Variants in ATG2B observed in about 807,000 individuals in gnomAD.
The protein encoded by ATG2B is autophagy-related protein 2 homolog B.
ATG2B carries 121 observed loss-of-function variants against 241.3 expected under a neutral mutation model. The ratio of observed to expected loss-of-function variants is 0.50; its 90% confidence interval spans 0.43 to 0.58. The LOEUF is 0.58. Among genes scored for constraint, ATG2B ranks in the 20% least tolerant of loss-of-function variants. The pLI, the probability that ATG2B is intolerant of heterozygous loss-of-function variation, is 0.00. For synonymous variants in ATG2B, 858 were observed against 876.6 expected, an observed-to-expected ratio of 0.98 and a Z score of 0.37; for missense variants, 2,306 against 2,491.6, an observed-to-expected ratio of 0.93 and a Z score of 1.59.
chr14:96,306,819 G>A lies in ATG2B; in HGVS notation c.4401C>T (p.Pro1467=), dbSNP rs773410227. The A allele has an allele frequency of 1.2e-6, 2 of 1,614,072 alleles. No homozygotes were observed. The highest frequency in any genetic ancestry group is 1.7e-6 in the Non-Finnish European group (2 of 1,180,014). The change falls in exon 30 of 42, where the codon CCC becomes CCT. Residue 1467 remains proline, a synonymous_variant. Transcript: ENST00000359933. The part of the protein sequence containing the change: ...ESGNVSQESG[P]TYASFSHHFI... ...AATGGTGAGAGAATGAGGCATAGGT[G>A]GGGCCGGACTCCTGGGATACATTCC... is the stretch of plus-strand genomic sequence containing the variant.
intron 11 of ATG2B, among the ~76,000 whole-genome samples, chr14:96,329,969 C>T (rs970726868): frequency 6.6e-6 from 1 of 152,028 alleles, no homozygotes; most frequent in Admixed American, 6.5e-5. Context: ...GTCGGTGAAG[C>T]CCAAATGAGG....
rs1348582962 is a variant in ATG2B, at chr14:96,282,838, C to A, written c.*2917G>T. ...TTCAATCGGCTTGAAAAGTGACACA[C>A]AACAGGAGCAGGAAACACCAGTTTT... On this transcript the variant is annotated 3_prime_UTR_variant, in exon 42 of 42. Transcript: ENST00000359933. 1 of 152,226 alleles carries A rather than the reference C, an allele frequency of 6.6e-6. No individual in the cohort carries two copies. Among genetic ancestry groups the A allele is most frequent in the Non-Finnish European group, 1.5e-5 (1 of 68,046 alleles). The allele number at this position is 152,226 out of a possible 1,614,324, so 9.4% of individuals were successfully genotyped here.
chr14:96,333,836 C>T lies in ATG2B; in HGVS notation c.1059G>A (p.Arg353=). 1 of 1,613,748 alleles carries T rather than the reference C, an allele frequency of 6.2e-7. No homozygotes were observed. The highest frequency in any genetic ancestry group is 8.5e-7 in the Non-Finnish European group (1 of 1,179,822). ...SSKIGLANKD[R]KNRPMQQEDE... is the part of the protein sequence containing the mutation. ...CTTCCTGCTGCATGGGTCGATTTTT[C>T]CTATCTTTATTAGCTAACCCTATTT... The change falls in exon 8 of 42, where the codon AGG becomes AGA. Residue 353 remains arginine (R), a synonymous_variant. Transcript: ENST00000359933.
chr14:96,358,300 G>A (rs969411885), intron 1 of ATG2B, among the ~76,000 whole-genome samples: 1 of 152,018 alleles, frequency 6.6e-6, no homozygotes, highest in African/African-American at 2.4e-5. Context: ...AACTGGGTGT[G>A]GTGGTGTACA....
intron 16 of ATG2B, among the ~76,000 whole-genome samples, chr14:96,323,002 C>A (rs1887498551): frequency 6.6e-6 from 1 of 152,132 alleles, no homozygotes; most frequent in African/African-American, 2.4e-5. Context: ...TTTTAAATTT[C>A]ATTAAAAGTC....
intron 34 of ATG2B, among the ~76,000 whole-genome samples, chr14:96,298,355 T>C (rs554440542): frequency 6.6e-6 from 1 of 152,336 alleles, no homozygotes; most frequent in South Asian, 2.1e-4. Flanking sequence ...CTGTGAAGAA[T>C]TGTTTGGCAG....
intron 13 of ATG2B, 34 bp downstream of exon 13, chr14:96,328,640 T>G: frequency 6.4e-7 from 1 of 1,569,176 alleles, no homozygotes; most frequent in East Asian, 2.2e-5. Flanking sequence ...AGATTAAAAT[T>G]TACAGGTGGC....
At chr14:96,319,915 A>T (rs961694348) in intron 18 of ATG2B, among the ~76,000 whole-genome samples, 6 of 152,128 alleles carry the variant, frequency 3.9e-5, no homozygotes, top group African/African-American at 1.2e-4. Context: ...AACCCTGAGG[A>T]AGTTAGATAT....
rs1472689826 is a variant in ATG2B, at chr14:96,325,673, C to T, written c.2413G>A (p.Glu805Lys). ...GGSTPEQIKLELTFRELIGSF... is the reference protein window; with the variant it reads ...GGSTPEQIKLKLTFRELIGSF... ...CCAATTAGTTCTCTAAAGGTAAGTT[C>T]CAATTTAATTTGTTCTGGGGTTGAT... The change falls in exon 15 of 42, where the codon GAA (glutamate) becomes AAA (lysine). Residue 805 changes from glutamate (E) to lysine (K), a missense_variant. This residue lies in a region of ATG2B where 1,927 missense variants were observed against 2,011.2 expected (regional missense o/e 0.96). Coordinates refer to ENST00000359933, the MANE Select transcript of ATG2B (RefSeq NM_018036.7). The T allele has an allele frequency of 6.2e-7, 1 of 1,613,012 alleles. No homozygotes were observed. The highest frequency in any genetic ancestry group is 8.5e-7 in the Non-Finnish European group (1 of 1,179,726).
chr14:96,313,036 T>TA (rs756620943), intron 25 of ATG2B, 29 bp downstream of exon 25: 1 of 1,377,540 alleles, frequency 7.3e-7, no homozygotes, highest in South Asian at 1.2e-5. Flanking sequence ...ACAGCTTTGT[T>TA]TAGTATACAA....
intron 15 of ATG2B, chr14:96,324,319 C>T (rs1380719293): frequency 4.6e-6 from 1 of 217,180 alleles, no homozygotes; most frequent in Non-Finnish European, 9.0e-6. Context: ...TATAATCTAC[C>T]ACTAGAAAAA....
chr14:96,320,542 GA>G (rs1248029540), intron 18 of ATG2B, among the ~76,000 whole-genome samples: 2 of 151,622 alleles, frequency 1.3e-5, no homozygotes, highest in Admixed American at 6.6e-5. Context: ...AGGAAAGGGG[GA>G]AAAAAAGACA....
intron 1 of ATG2B, among the ~76,000 whole-genome samples, chr14:96,361,843 C>G (rs550061778): frequency 6.6e-6 from 1 of 152,148 alleles, no homozygotes; most frequent in South Asian, 2.1e-4. Context: ...AAATTATATA[C>G]TGATTTATAG....
At chr14:96,294,839 G>C in intron 36 of ATG2B, 121 bp downstream of exon 36, 1 of 793,812 alleles carries the variant, frequency 1.3e-6, no homozygotes, top group Non-Finnish European at 2.0e-6. Flanking sequence ...TACACCAGCT[G>C]ATGATTTGGC....
At chr14:96,288,236 T>A (rs1006591407) in intron 41 of ATG2B, among the ~76,000 whole-genome samples, 1 of 152,226 alleles carries the variant, frequency 6.6e-6, no homozygotes, top group African/African-American at 2.4e-5. Flanking sequence ...GCAGAACCCG[T>A]TTCCTCATCT....
intron 14 of ATG2B, among the ~76,000 whole-genome samples, chr14:96,326,379 A>C (rs1037885130): frequency 2.6e-5 from 4 of 152,126 alleles, no homozygotes; most frequent in African/African-American, 9.7e-5. Flanking sequence ...ACAATCGCTG[A>C]CTCAACTTTG....
At chr14:96,323,591 C>CT (rs1413983046) in intron 16 of ATG2B, among the ~76,000 whole-genome samples, 1 of 152,186 alleles carries the variant, frequency 6.6e-6, no homozygotes, top group Non-Finnish European at 1.5e-5. Context: ...CCTTATGAAA[C>CT]TTGTGCTCTA....
Position 96,306,782 on chromosome 14 carries a change from C to T in ATG2B, c.4438G>A (p.Ala1480Thr), listed in dbSNP as rs775862239. 1.9e-6 allele frequency: 3 copies of T among 1,614,106 alleles called. No homozygotes were observed. Among genetic ancestry groups the T allele is most frequent in the South Asian group, 2.2e-5 (2 of 91,076 alleles). Residue 1480 changes from alanine to threonine, a missense_variant, in exon 30 of 42, where the codon GCA becomes ACA. Physicochemically the swap from Ala to Thr is moderately conservative, Grantham distance 58. Transcript: ENST00000359933. ...ASFSHHFISDAMTGVPTENDD... is the reference protein window; with the variant it reads ...ASFSHHFISDTMTGVPTENDD... ...TTCTCAGTGGGCACACCTGTCATTGCATCACTGATGAAATGGTGAGAGAAT... is the reference window on the plus strand; with the variant it reads ...TTCTCAGTGGGCACACCTGTCATTGTATCACTGATGAAATGGTGAGAGAAT...
intron 3 of ATG2B, among the ~76,000 whole-genome samples, 169 bp downstream of exon 3, chr14:96,345,064 C>T (rs924071190): frequency 6.6e-5 from 10 of 151,782 alleles, no homozygotes; most frequent in African/African-American, 1.7e-4. Context: ...AAACAACATG[C>T]AATTAAATGG....
Sources: allele counts gnomAD v4.1 joint callset (sites outside exome capture counted in the v4.1 genomes callset), GRCh38; gene constraint gnomAD v4.1.1; regional missense constraint gnomAD v4.1.1; transcripts MANE v1.5; gene names NCBI Gene and HGNC (gene_info 2026-07-23, HGNC 2026-07-21).